MT1F: variants seen among roughly 807,000 people sequenced by gnomAD.
The protein encoded by MT1F is metallothionein 1F, also known as metallothionein-1F.
MT1F carries 6 observed loss-of-function variants against 5.4 expected under a neutral mutation model. The observed-to-expected ratio is 1.11, with a 90% CI of 0.61 to 2.19. The LOEUF is 2.19. MT1F is among the 30% of genes most tolerant of loss of function. The pLI is 0.00. For missense variants in MT1F, 82 were observed against 77.0 expected (o/e 1.07, Z -0.24); for synonymous variants, 28 against 28.3 (o/e 0.99, Z 0.04).
chr16:56,658,524 C>T (rs1489774528), intron 1 of MT1F, 151 bp from the exon 2 acceptor site: 54 of 754,380 alleles, frequency 7.2e-5, no homozygotes, highest in Non-Finnish European at 1.1e-4. Context: ...AGGGAGAGGA[C>T]ATGGGGCTTC....
rs563492319 is a variant in MT1F, at chr16:56,659,218, A to ATT, written c.*63_*64dup. On this transcript the variant is annotated 3_prime_UTR_variant, in exon 3 of 3. Coordinates refer to ENST00000334350, the MANE Select transcript of MT1F (RefSeq NM_005949.4). ...AACAGAGAGACATGTACAAACCTGG[A>ATT]TTTTTTTTTTATACCACCTTGACCC... is the stretch of plus-strand genomic sequence containing the variant. 7.4e-6 allele frequency: 11 copies of ATT among 1,485,472 alleles called. No individual in the cohort carries two copies. The highest frequency in any genetic ancestry group is 1.9e-5 in the Admixed American group (1 of 52,864). 92.0% of individuals were successfully genotyped at this position (1,485,472 alleles called of 1,614,324 possible). A position where few individuals can be genotyped will look rare whatever the true frequency, so the allele number is the denominator to read the frequency against.
intron 1 of MT1F, 129 bp downstream of exon 1, chr16:56,658,215 T>C (rs890530323): frequency 2.9e-6 from 3 of 1,050,314 alleles, no homozygotes; most frequent in Non-Finnish European, 4.3e-6. Flanking sequence ...GTCCAGTGCT[T>C]TCCTCTTGGC....
chr16:56,658,065 C>T lies in MT1F; in HGVS notation c.7C>T (p.Pro3Ser), dbSNP rs1329515895. Reference sequence around the variant, plus strand: ...AGTCTCTCCTCGGCTTGCAATGGACCCCAACTGCTCCTGCGCCGCTGGTAA... The same window carrying T: ...AGTCTCTCCTCGGCTTGCAATGGACTCCAACTGCTCCTGCGCCGCTGGTAA... The part of the protein sequence containing the change: MD[P>S]NCSCAAGVSC... The change falls in exon 1 of 3, where the codon CCC becomes TCC. Residue 3 changes from proline to serine, a missense_variant. Transcript: ENST00000334350. The T allele has an allele frequency of 2.5e-6, 4 of 1,614,132 alleles. No homozygotes were observed. Among genetic ancestry groups the T allele is most frequent in the Admixed American group, 3.3e-5 (2 of 60,026 alleles).
At chr16:56,658,579 C>G (rs568332991) in intron 1 of MT1F, 96 bp from the exon 2 acceptor site, 10 of 1,286,916 alleles carry the variant, frequency 7.8e-6, no homozygotes, top group African/African-American at 1.5e-5. Flanking sequence ...GGGCTGGCCC[C>G]GCACAGAGGA....
chr16:56,658,156 T>G, intron 1 of MT1F, 70 bp downstream of exon 1: 1 of 1,574,522 alleles, frequency 6.4e-7, no homozygotes, highest in South Asian at 1.1e-5. Context: ...TTCCTGGGTT[T>G]GAGAAGGTCG....
At chr16:56,658,562 G>T in intron 1 of MT1F, 113 bp from the exon 2 acceptor site, 1 of 1,069,560 alleles carries the variant, frequency 9.3e-7, no homozygotes, top group Non-Finnish European at 1.4e-6. Flanking sequence ...TGGGAAAGGA[G>T]CTCTGAGGGC....
chr16:56,658,192 A>C, intron 1 of MT1F, 106 bp downstream of exon 1: 1 of 1,284,352 alleles, frequency 7.8e-7, no homozygotes, highest in Non-Finnish European at 1.1e-6. Context: ...ACTGTAGGGG[A>C]CTCCTTGACT....
At chr16:56,658,147 TC>T in intron 1 of MT1F, 61 bp downstream of exon 1, 1 of 1,598,000 alleles carries the variant, frequency 6.3e-7, no homozygotes, top group Non-Finnish European at 8.6e-7. Context: ...TAGAGAGTGT[TC>T]CTGGGTTTGA....
intron 1 of MT1F, chr16:56,658,288 C>T: frequency 3.1e-6 from 2 of 640,124 alleles, no homozygotes; most frequent in Non-Finnish European, 5.5e-6. Flanking sequence ...GGTACTGAGG[C>T]TCAAGGCTGT....
chr16:56,658,137 T>C (rs746977060), intron 1 of MT1F, 51 bp downstream of exon 1: 25 of 1,607,472 alleles, frequency 1.6e-5, no homozygotes, highest in Admixed American at 5.0e-5. Context: ...CCAGACACCA[T>C]AGAGAGTGTT....
chr16:56,658,178 C>A, intron 1 of MT1F, 92 bp downstream of exon 1: 1 of 1,457,622 alleles, frequency 6.9e-7, no homozygotes, highest in Non-Finnish European at 9.6e-7. Context: ...ATTTTGAGAT[C>A]TCAACTGTAG....
At position 56,658,006 on chromosome 16, in the gene MT1F, C is replaced by T. The variant is rs1008889945; in HGVS notation, c.-53C>T. 56 of 1,600,244 alleles carry T rather than the reference C, an allele frequency of 3.5e-5. No individual in the cohort carries two copies. Among genetic ancestry groups the T allele is most frequent in the Non-Finnish European group, 4.6e-5 (54 of 1,168,258 alleles). ...GGGGTCCACCACGCCTTCCACCTGCCCCACTGCTTCTTCGCTTCTCTCTTG... is the reference window on the plus strand; with the variant it reads ...GGGGTCCACCACGCCTTCCACCTGCTCCACTGCTTCTTCGCTTCTCTCTTG... On this transcript the variant is annotated 5_prime_UTR_variant, in exon 1 of 3. Coordinates refer to ENST00000334350, the MANE Select transcript of MT1F (RefSeq NM_005949.4).
intron 1 of MT1F, 25 bp from the exon 2 acceptor site, chr16:56,658,650 T>C: frequency 6.2e-7 from 1 of 1,614,032 alleles, no homozygotes; most frequent in Non-Finnish European, 8.5e-7. Context: ...CGCCGCTCAC[T>C]GGCTTTTTTT....
intron 2 of MT1F, 129 bp downstream of exon 2, chr16:56,658,869 T>TA: frequency 7.8e-7 from 1 of 1,287,028 alleles, no homozygotes; most frequent in South Asian, 1.2e-5. Context: ...ACTGCCTTTC[T>TA]AGTCTTCTGC....
At position 56,659,022 on chromosome 16, in the gene MT1F, A is replaced by T. The variant is rs755179515; in HGVS notation, c.95-51A>T. ...TGTTGGGGGCCTCTGTTGGGGAGGG[A>T]GGTCCCTGGGCAAGTTGGCTGTGAC... On this transcript the variant is annotated intron_variant, in intron 2 of 2. Transcript: ENST00000334350. 1.2e-5 allele frequency: 18 copies of T among 1,522,562 alleles called. No individual in the cohort carries two copies. The South Asian group carries it at 2.0e-4, about 17-fold the overall frequency. 94.3% of individuals were successfully genotyped at this position (1,522,562 alleles called of 1,614,324 possible).
rs1597076121 is a variant in MT1F, at chr16:56,657,991, A to C, written c.-68A>C. On this transcript the variant is annotated 5_prime_UTR_variant, in exon 1 of 3. Transcript: ENST00000334350. ...CAGCGGCCGGCTGTTGGGGTCCACC[A>C]CGCCTTCCACCTGCCCCACTGCTTC... 1 of 1,550,706 alleles carries C rather than the reference A, an allele frequency of 6.4e-7. No individual in the cohort carries two copies. The highest frequency in any genetic ancestry group is 1.1e-5 in the South Asian group (1 of 88,926).
chr16:56,658,237 G>A (rs1960645595), intron 1 of MT1F, 151 bp downstream of exon 1: 2 of 844,250 alleles, frequency 2.4e-6, no homozygotes, highest in East Asian at 2.6e-5. Context: ...AAGATCCTGA[G>A]AGCATTTCCT....
chr16:56,658,544 G>T, intron 1 of MT1F, 131 bp from the exon 2 acceptor site: 1 of 910,858 alleles, frequency 1.1e-6, no homozygotes, highest in South Asian at 1.6e-5. Flanking sequence ...CTCTTCCTCT[G>T]CTCTGAGTGG....
intron 2 of MT1F, 134 bp downstream of exon 2, chr16:56,658,874 T>G (rs940960074): frequency 2.4e-6 from 3 of 1,262,652 alleles, no homozygotes; most frequent in Non-Finnish European, 2.3e-6. Flanking sequence ...CTTTCTAGTC[T>G]TCTGCCCTGT....
Sources: gnomAD v4.1 joint callset for allele counts on GRCh38, gnomAD v4.1.1 for gene constraint, MANE v1.5 for transcripts, NCBI Gene and HGNC (gene_info 2026-07-23, HGNC 2026-07-21) for gene names.